Variants in PDZRN4 observed in about 807,000 individuals in gnomAD.
PDZRN4 encodes the protein PDZ domain-containing RING finger protein 4.
A neutral mutation model predicts 99.0 loss-of-function variants in PDZRN4; 70 were observed. The observed-to-expected ratio is 0.71, with a 90% CI of 0.58 to 0.86. PDZRN4 has a LOEUF of 0.86. Ranked by LOEUF, PDZRN4 falls within the 40% of genes least tolerant of loss-of-function variation. The pLI, the probability that PDZRN4 is intolerant of heterozygous loss-of-function variation, is 0.00. For synonymous variants in PDZRN4, 551 were observed against 501.6 expected, an observed-to-expected ratio of 1.10 and a Z score of -1.32; for missense variants, 1,474 against 1,331.2, an observed-to-expected ratio of 1.11 and a Z score of -1.67.
intron 2 of PDZRN4, among the ~76,000 whole-genome samples, chr12:41,193,070 T>G (rs1487729202): frequency 6.6e-6 from 1 of 152,226 alleles, no homozygotes; most frequent in Non-Finnish European, 1.5e-5. Flanking sequence ...AGGATGGCAG[T>G]GACATATTTC....
chr12:41,236,952 TTTTTC>T (rs1273117727), intron 3 of PDZRN4, among the ~76,000 whole-genome samples: 1 of 152,122 alleles, frequency 6.6e-6, no homozygotes, highest in South Asian at 2.1e-4. Flanking sequence ...AGAAAATGTC[TTTTTC>T]ATAATATTAT....
At chr12:41,456,950 T>A (rs1952821176) in intron 3 of PDZRN4, among the ~76,000 whole-genome samples, 1 of 152,182 alleles carries the variant, frequency 6.6e-6, no homozygotes, top group Non-Finnish European at 1.5e-5. Context: ...ACATCATGCC[T>A]AAGTTTGCAG....
chr12:41,286,454 A>G (rs534351282), intron 3 of PDZRN4, among the ~76,000 whole-genome samples: 44 of 150,302 alleles, frequency 2.9e-4, no homozygotes, highest in African/African-American at 9.6e-4. Context: ...TCTATTTTTT[A>G]AAAAACATTC....
intron 7 of PDZRN4, 66 bp downstream of exon 7, chr12:41,555,826 T>G (rs1247663762): frequency 7.9e-7 from 1 of 1,269,552 alleles, no homozygotes; most frequent in Non-Finnish European, 1.1e-6. Context: ...TTACTTTGTT[T>G]CTTGTAAACT....
At chr12:41,340,443 G>T (rs1360887362) in intron 3 of PDZRN4, among the ~76,000 whole-genome samples, 1 of 151,862 alleles carries the variant, frequency 6.6e-6, no homozygotes, top group Admixed American at 6.6e-5. Context: ...GGGTAGTGAG[G>T]TTGGGGGTGA....
At chr12:41,276,502 AAT>A (rs1187767929) in intron 3 of PDZRN4, among the ~76,000 whole-genome samples, 1 of 152,130 alleles carries the variant, frequency 6.6e-6, no homozygotes, top group Non-Finnish European at 1.5e-5. Flanking sequence ...GAAATATGAA[AAT>A]ATATATTTCA....
chr12:41,524,674 T>C (rs1293620983), intron 5 of PDZRN4, among the ~76,000 whole-genome samples: 3 of 152,162 alleles, frequency 2.0e-5, no homozygotes, highest in Admixed American at 6.6e-5. Flanking sequence ...GATTTTATTA[T>C]AAGTGAAATA....
At chr12:41,462,287 C>A (rs912646580) in intron 3 of PDZRN4, among the ~76,000 whole-genome samples, 1 of 152,114 alleles carries the variant, frequency 6.6e-6, no homozygotes, top group Non-Finnish European at 1.5e-5. Flanking sequence ...GACAGGAATA[C>A]CTATAAAACT....
intron 3 of PDZRN4, among the ~76,000 whole-genome samples, chr12:41,344,530 C>A (rs1273944457): frequency 1.4e-5 from 2 of 147,098 alleles, no homozygotes. Context: ...AGAAAAACTA[C>A]CACCGTCTAA....
intron 3 of PDZRN4, among the ~76,000 whole-genome samples, chr12:41,301,068 G>T (rs1951532211): frequency 6.6e-6 from 1 of 151,914 alleles, no homozygotes; most frequent in South Asian, 2.1e-4. Context: ...CCTTATTTTT[G>T]ATATCATCTC....
At chr12:41,477,431 G>A (rs770854289) in intron 3 of PDZRN4, among the ~76,000 whole-genome samples, 9 of 152,196 alleles carry the variant, frequency 5.9e-5, no homozygotes, top group Non-Finnish European at 1.2e-4. Context: ...CAGATTCTCA[G>A]CAGTATTGAA....
At chr12:41,545,509 ATGTGTGTGTGTG>A (rs61040270) in intron 5 of PDZRN4, among the ~76,000 whole-genome samples, 17,371 of 143,002 alleles carry the variant, frequency 0.12, 1,305 homozygotes, top group Non-Finnish European at 0.17. Flanking sequence ...GATGATATTA[ATGTGTGTGTGTG>A]TGTGTGTGTG....
intron 3 of PDZRN4, among the ~76,000 whole-genome samples, chr12:41,429,489 C>T (rs897792982): frequency 1.3e-5 from 2 of 152,136 alleles, no homozygotes; most frequent in Non-Finnish European, 2.9e-5. Flanking sequence ...TTGGGGAAAT[C>T]CTTACATCTC....
At chr12:41,272,918 T>C (rs1290002781) in intron 3 of PDZRN4, among the ~76,000 whole-genome samples, 1 of 151,996 alleles carries the variant, frequency 6.6e-6, no homozygotes, top group Non-Finnish European at 1.5e-5. Flanking sequence ...GTTGTAACTC[T>C]GAATTTCCAG....
At chr12:41,493,065 A>G (rs1937920862) in intron 3 of PDZRN4, among the ~76,000 whole-genome samples, 1 of 152,178 alleles carries the variant, frequency 6.6e-6, no homozygotes, top group Non-Finnish European at 1.5e-5. Flanking sequence ...TCCATCCCAG[A>G]GCTCCTAATA....
intron 3 of PDZRN4, among the ~76,000 whole-genome samples, chr12:41,232,014 A>C (rs1488268403): frequency 6.6e-6 from 1 of 152,086 alleles, no homozygotes; most frequent in Non-Finnish European, 1.5e-5. Context: ...TACTTACATT[A>C]GTTCTTTGTT....
intron 3 of PDZRN4, among the ~76,000 whole-genome samples, chr12:41,381,597 A>G (rs984754685): frequency 1.4e-4 from 21 of 151,992 alleles, no homozygotes; most frequent in Admixed American, 6.6e-4. Flanking sequence ...AAAAATATTT[A>G]TCTTTCTTTG....
In PDZRN4 at chr12:41,567,645, T is replaced by C. The variant is rs541433064; in HGVS notation, c.1468-138T>C. 4 of 351,294 alleles carry C rather than the reference T, an allele frequency of 1.1e-5. No homozygotes were observed. The Admixed American group carries it at 1.4e-4, about 13-fold the overall frequency. The allele number at this position is 351,294 out of a possible 1,614,324, so 21.8% of individuals were successfully genotyped here. On this transcript the variant is annotated intron_variant, in intron 8 of 9. Coordinates refer to ENST00000402685, the MANE Select transcript of PDZRN4 (RefSeq NM_001164595.2). ...ATCACCTTTTCTTCTTTCTGAGAGGTGAACTGTGGGAGGCTGGTATTCTGA... is the reference window on the plus strand; with the variant it reads ...ATCACCTTTTCTTCTTTCTGAGAGGCGAACTGTGGGAGGCTGGTATTCTGA...
chr12:41,191,597 A>T, intron 2 of PDZRN4, 53 bp downstream of exon 2: 1 of 838,390 alleles, frequency 1.2e-6, no homozygotes, highest in East Asian at 2.5e-5. Flanking sequence ...AGCATTAATA[A>T]GCATTACTCA....
Sources: allele counts gnomAD v4.1 joint callset (sites outside exome capture counted in the v4.1 genomes callset), GRCh38; gene constraint gnomAD v4.1.1; transcripts MANE v1.5; gene names NCBI Gene and HGNC (gene_info 2026-07-23, HGNC 2026-07-21).